Variants in MTUS2 observed in about 807,000 individuals in gnomAD.
The protein encoded by MTUS2 is microtubule associated scaffold protein 2, also known as microtubule-associated tumor suppressor candidate 2.
MTUS2 carries 40 observed loss-of-function variants against 114.1 expected under a neutral mutation model. That is an observed-to-expected ratio of 0.35 (90% CI 0.27 to 0.46). The LOEUF is 0.46. Among genes scored for constraint, MTUS2 ranks in the 20% least tolerant of loss-of-function variants. The pLI, the probability that MTUS2 is intolerant of heterozygous loss-of-function variation, is 1.00. For synonymous variants in MTUS2, 688 were observed against 672.0 expected (o/e 1.02, Z -0.37); for missense variants, 1,679 against 1,705.4 (o/e 0.98, Z 0.27).
At chr13:28,918,885 T>C (rs897333616) in intron 2 of MTUS2, among the ~76,000 whole-genome samples, 1 of 152,120 alleles carries the variant, frequency 6.6e-6, no homozygotes, top group South Asian at 2.1e-4. Flanking sequence ...TAATATCTTA[T>C]AGCCTATCAT....
At chr13:29,396,087 C>G (rs576720275) in intron 8 of MTUS2, among the ~76,000 whole-genome samples, 1 of 152,102 alleles carries the variant, frequency 6.6e-6, no homozygotes. Flanking sequence ...ACTAAGTCAC[C>G]GGCATTTGTT....
chr13:29,265,826 T>C (rs1897645291), intron 5 of MTUS2, among the ~76,000 whole-genome samples: 1 of 152,152 alleles, frequency 6.6e-6, no homozygotes. Flanking sequence ...ACTGCCATGA[T>C]TCAAACACCT....
chr13:29,268,546 C>T (rs1044358464), intron 5 of MTUS2, among the ~76,000 whole-genome samples: 5 of 152,176 alleles, frequency 3.3e-5, no homozygotes, highest in Admixed American at 1.3e-4. Flanking sequence ...TTTGCTGGCC[C>T]GAGCCCTGCC....
intron 2 of MTUS2, among the ~76,000 whole-genome samples, chr13:28,845,599 T>C (rs888006468): frequency 4.6e-5 from 7 of 152,084 alleles, no homozygotes; most frequent in African/African-American, 1.7e-4. Context: ...GTAATACTTA[T>C]TTAATGGAAG....
At chr13:29,449,261 ATTG>A (rs1357293675) in intron 9 of MTUS2, among the ~76,000 whole-genome samples, 1 of 129,098 alleles carries the variant, frequency 7.7e-6, no homozygotes, top group Non-Finnish European at 1.7e-5. Flanking sequence ...TGAGCACTGA[ATTG>A]TTATTTATTA....
intron 7 of MTUS2, among the ~76,000 whole-genome samples, chr13:29,329,736 C>T (rs1900687892): frequency 6.6e-6 from 1 of 151,660 alleles, no homozygotes; most frequent in South Asian, 2.1e-4. Flanking sequence ...GCCTCAGCCT[C>T]CTGAGTAGCT....
chr13:29,039,594 C>G (rs556232270), intron 4 of MTUS2, among the ~76,000 whole-genome samples: 1 of 152,328 alleles, frequency 6.6e-6, no homozygotes, highest in East Asian at 1.9e-4. Flanking sequence ...GCTGCCTCTA[C>G]TTTTGTGCCT....
chr13:28,993,643 C>A lies in MTUS2; in HGVS notation c.-242-30814C>A, dbSNP rs185195562. ...TTTTGCATATGGCTAGCCAGCTATC[C>A]CAGCACCATTTATTGAATAGAGACT... On this transcript the variant is annotated intron_variant, in intron 2 of 15. Coordinates refer to ENST00000612955, the MANE Select transcript of MTUS2 (RefSeq NM_001033602.4). Among the ~76,000 whole-genome samples, 822 of 152,138 alleles carry A rather than the reference C, an allele frequency of 5.4e-3. 10 individuals are homozygous for A. The highest frequency in any genetic ancestry group is 8.4e-3 in the Non-Finnish European group (569 of 68,008).
intron 2 of MTUS2, among the ~76,000 whole-genome samples, chr13:28,932,971 G>A (rs1881695100): frequency 6.6e-6 from 1 of 152,156 alleles, no homozygotes; most frequent in East Asian, 1.9e-4. Flanking sequence ...CATAGTTTCT[G>A]CACAGAAGGG....
chr13:29,428,737 C>T (rs1876757770), intron 8 of MTUS2: 3 of 1,571,676 alleles, frequency 1.9e-6, no homozygotes, highest in Non-Finnish European at 2.6e-6. Context: ...GAAGTTGTGA[C>T]AGCTCCCAGC....
At chr13:29,137,368 C>T (rs1022815955) in intron 5 of MTUS2, among the ~76,000 whole-genome samples, 1 of 152,090 alleles carries the variant, frequency 6.6e-6, no homozygotes. Flanking sequence ...TATCTCCCTG[C>T]TTCTTGGATG....
intron 5 of MTUS2, among the ~76,000 whole-genome samples, chr13:29,243,762 G>T (rs2139404432): frequency 6.6e-6 from 1 of 152,322 alleles, no homozygotes; most frequent in Admixed American, 6.5e-5. Flanking sequence ...GGAGAAAGCA[G>T]TTGGGGGGAT....
Position 29,471,339 on chromosome 13 carries a change from AAATAAT to A in MTUS2, c.3185-8796_3185-8791del, listed in dbSNP as rs535026471. On this transcript the variant is annotated intron_variant, in intron 9 of 15. Coordinates refer to ENST00000612955, the MANE Select transcript of MTUS2 (RefSeq NM_001033602.4). ...GCAACAGAGCGAGACTCCATCTCAA[AAATAAT>A]AATAATAATAATAAAATAAAATGAA... Among the ~76,000 whole-genome samples, 409 of 152,018 alleles carry A rather than the reference AAATAAT, an allele frequency of 2.7e-3. 1 individual carries two copies. Among genetic ancestry groups the A allele is most frequent in the Non-Finnish European group, 2.6e-3 (179 of 67,970 alleles).
At chr13:28,848,554 T>C (rs1876036523) in intron 2 of MTUS2, among the ~76,000 whole-genome samples, 1 of 152,050 alleles carries the variant, frequency 6.6e-6, no homozygotes, top group South Asian at 2.1e-4. Context: ...GTATCTAGTG[T>C]GGTAGGAAGA....
At chr13:28,987,498 A>G (rs1239525772) in intron 2 of MTUS2, among the ~76,000 whole-genome samples, 1 of 152,128 alleles carries the variant, frequency 6.6e-6, no homozygotes, top group Non-Finnish European at 1.5e-5. Context: ...GAGACATGAA[A>G]TGAAAAGACA....
intron 9 of MTUS2, among the ~76,000 whole-genome samples, chr13:29,445,280 C>A (rs114589242): frequency 0.015 from 2,249 of 152,282 alleles, 48 homozygotes; most frequent in African/African-American, 0.052. Context: ...TCTTCCTCAT[C>A]AGCTGAGTGT....
At position 29,026,072 on chromosome 13, in the gene MTUS2, G is replaced by A. The variant is rs780771769; in HGVS notation, c.1374G>A (p.Arg458=). ...TGGATGTCATTGAGGAGGAAAGGCG[G>A]TTGGGCAGTGGGAATAAGGACAGTG... The part of the protein sequence containing the change: ...KPLDVIEEER[R]LGSGNKDSVM... The change falls in exon 3 of 16, where the codon CGG becomes CGA. Residue 458 remains arginine, a synonymous_variant. Coordinates refer to ENST00000612955, the MANE Select transcript of MTUS2 (RefSeq NM_001033602.4). The A allele has an allele frequency of 1.9e-6, 3 of 1,613,996 alleles. No individual in the cohort carries two copies. Among genetic ancestry groups the A allele is most frequent in the Non-Finnish European group, 2.5e-6 (3 of 1,179,886 alleles).
chr13:29,206,388 C>T (rs748602540), intron 5 of MTUS2, among the ~76,000 whole-genome samples: 7 of 152,140 alleles, frequency 4.6e-5, no homozygotes, highest in African/African-American at 9.7e-5. Context: ...ATTGCTTTTA[C>T]GGTGCAGAAG....
intron 2 of MTUS2, among the ~76,000 whole-genome samples, chr13:28,911,399 C>T (rs1030238729): frequency 3.3e-4 from 50 of 152,010 alleles, no homozygotes; most frequent in African/African-American, 1.2e-3. Context: ...TGATCTCCAT[C>T]TCCTGACCTC....
Sources: gnomAD v4.1 joint callset for allele counts (sites outside exome capture counted in the v4.1 genomes callset) on GRCh38, gnomAD v4.1.1 for gene constraint, MANE v1.5 for transcripts, NCBI Gene and HGNC (gene_info 2026-07-23, HGNC 2026-07-21) for gene names.